The following SLC1A2 variants were observed in gnomAD, a reference collection of about 807,000 sequenced individuals.
The protein encoded by SLC1A2 is excitatory amino acid transporter 2.
Under a neutral mutation model 48.8 loss-of-function variants are expected in SLC1A2, and 15 were observed. The ratio of observed to expected loss-of-function variants is 0.31; its 90% CI spans 0.21 to 0.47. The LOEUF is 0.47. Among genes scored for constraint, SLC1A2 ranks in the 20% least tolerant of loss-of-function variants. The pLI is 0.99. For missense variants in SLC1A2, 502 were observed against 730.5 expected, an observed-to-expected ratio of 0.69 and a Z score of 3.61; for synonymous variants, 279 against 272.6, an observed-to-expected ratio of 1.02 and a Z score of -0.23.
chr11:35,373,296 C>T (rs935171118), intron 1 of SLC1A2, among the ~76,000 whole-genome samples: 6 of 152,192 alleles, frequency 3.9e-5, no homozygotes, highest in Non-Finnish European at 8.8e-5. Flanking sequence ...CATTCAACAC[C>T]TTCTTTCAGA....
chr11:35,334,546 C>G (rs1852547990), intron 1 of SLC1A2, among the ~76,000 whole-genome samples: 1 of 152,194 alleles, frequency 6.6e-6, no homozygotes, highest in Non-Finnish European at 1.5e-5. Context: ...ATCTCACCTT[C>G]CTGAGAGCAG....
chr11:35,317,758 T>G (rs910755245), intron 1 of SLC1A2, among the ~76,000 whole-genome samples: 2 of 152,028 alleles, frequency 1.3e-5, no homozygotes, highest in African/African-American at 2.4e-5. Context: ...TTCCAAAGAG[T>G]TGCCCCCCGT....
chr11:35,320,353 A>G (rs1246103832), intron 1 of SLC1A2, among the ~76,000 whole-genome samples: 2 of 152,194 alleles, frequency 1.3e-5, no homozygotes, highest in Admixed American at 1.3e-4. Flanking sequence ...CAGAGAGGAA[A>G]CATAAAGCAC....
At chr11:35,300,991 C>T (rs1851338086) in intron 6 of SLC1A2, among the ~76,000 whole-genome samples, 1 of 152,086 alleles carries the variant, frequency 6.6e-6, no homozygotes, top group South Asian at 2.1e-4. Flanking sequence ...CACCACTGCA[C>T]TCCAGTCTGG....
intron 1 of SLC1A2, among the ~76,000 whole-genome samples, chr11:35,385,358 T>TA (rs1201279071): frequency 6.6e-6 from 1 of 152,176 alleles, no homozygotes; most frequent in Non-Finnish European, 1.5e-5. Flanking sequence ...GAAAGGGAAA[T>TA]ATTATCTCCC....
intron 9 of SLC1A2, among the ~76,000 whole-genome samples, chr11:35,270,108 A>G (rs1235138023): frequency 6.6e-6 from 1 of 152,258 alleles, no homozygotes; most frequent in Non-Finnish European, 1.5e-5. Context: ...CTCTGTCTCA[A>G]AAATGAATGA....
chr11:35,370,821 G>T, intron 1 of SLC1A2: 1 of 301,632 alleles, frequency 3.3e-6, no homozygotes, highest in Non-Finnish European at 4.9e-6. Context: ...GCAGCAGCCA[G>T]GTAGAATTTC....
chr11:35,376,701 T>C (rs1393138623), intron 1 of SLC1A2, among the ~76,000 whole-genome samples: 2 of 152,226 alleles, frequency 1.3e-5, no homozygotes, highest in Non-Finnish European at 2.9e-5. Flanking sequence ...CTGTTTTCAA[T>C]TGTGAATAAT....
At chr11:35,371,983 C>T (rs1466743284) in intron 1 of SLC1A2, among the ~76,000 whole-genome samples, 5 of 152,208 alleles carry the variant, frequency 3.3e-5, no homozygotes, top group Non-Finnish European at 4.4e-5. Context: ...ACTAATACTC[C>T]TGGACAATGC....
chr11:35,352,591 A>G lies in SLC1A2; in HGVS notation c.18-35075T>C, dbSNP rs140168460. On this transcript the variant is annotated intron_variant, in intron 1 of 10. Coordinates refer to ENST00000278379, the MANE Select transcript of SLC1A2 (RefSeq NM_004171.4). ...CCTCTTGAGAAAGCAGTAAGGCCCC[A>G]GTTCCCTTCTGCAAAGGAGTGGCAC... Among the ~76,000 whole-genome samples the G allele has an allele frequency of 4.6e-5, 7 of 152,306 alleles. No homozygotes were observed. The East Asian group carries it at 1.3e-3, about 29-fold the overall frequency.
At chr11:35,281,479 G>A (rs577947297) in intron 8 of SLC1A2, among the ~76,000 whole-genome samples, 112 of 152,276 alleles carry the variant, frequency 7.4e-4, no homozygotes, top group African/African-American at 2.5e-3. Context: ...TGAGAACTCA[G>A]AATAGCAAAT....
At chr11:35,289,801 G>A (rs1210449081) in intron 7 of SLC1A2, among the ~76,000 whole-genome samples, 2 of 152,084 alleles carry the variant, frequency 1.3e-5, no homozygotes, top group Admixed American at 6.6e-5. Context: ...ACTTCTAGAG[G>A]CAAAAAGCAC....
chr11:35,287,035 C>T, intron 7 of SLC1A2, 84 bp from the exon 8 acceptor site: 1 of 1,060,404 alleles, frequency 9.4e-7, no homozygotes, highest in South Asian at 1.5e-5. Flanking sequence ...GCCACTGCAT[C>T]CTTAGTTTTT....
At chr11:35,300,724 T>C (rs1259161771) in intron 6 of SLC1A2, among the ~76,000 whole-genome samples, 1 of 152,184 alleles carries the variant, frequency 6.6e-6, no homozygotes, top group Non-Finnish European at 1.5e-5. Context: ...GCTTTCTGAA[T>C]CTCTTTTCAT....
chr11:35,386,935 C>T (rs1854601241), intron 1 of SLC1A2, among the ~76,000 whole-genome samples: 1 of 152,070 alleles, frequency 6.6e-6, no homozygotes, highest in Non-Finnish European at 1.5e-5. Context: ...TCTTTTTTCC[C>T]CCTTTTTTAT....
Position 35,256,548 on chromosome 11 carries a change from C to T in SLC1A2, c.*4346G>A, listed in dbSNP as rs12292131. The T allele has an allele frequency of 0.03, 4,507 of 152,592 alleles. 161 individuals carry two copies. The highest frequency in any genetic ancestry group is 0.088 in the African/African-American group (3,635 of 41,492). The allele number at this position is 152,592 out of a possible 1,614,324, so 9.5% of individuals were successfully genotyped here. A position where few individuals can be genotyped will look rare whatever the true frequency, so the allele number is the denominator to read the frequency against. The stretch of plus-strand genomic sequence containing the variant: ...GCTTAACCAGAAATTACTACAGATA[C>T]TGAGACCATTTATCTTCTTTGACAA... On this transcript the variant is annotated 3_prime_UTR_variant, in exon 11 of 11. Transcript: ENST00000278379.
At chr11:35,333,419 G>GAA (rs59682870) in intron 1 of SLC1A2, among the ~76,000 whole-genome samples, 170 of 132,926 alleles carry the variant, frequency 1.3e-3, no homozygotes, top group Middle Eastern at 0.011. Flanking sequence ...TCTGCCTCAG[G>GAA]AAAAAAAAAA....
intron 1 of SLC1A2, among the ~76,000 whole-genome samples, chr11:35,415,183 T>TAAAGCC (rs1391916842): frequency 6.6e-6 from 1 of 152,222 alleles, no homozygotes; most frequent in Non-Finnish European, 1.5e-5. Flanking sequence ...ACACATCCTT[T>TAAAGCC]AAAGCCAAAG....
chr11:35,297,322 G>A (rs374168655), intron 6 of SLC1A2, among the ~76,000 whole-genome samples: 1 of 151,856 alleles, frequency 6.6e-6, no homozygotes, highest in African/African-American at 2.4e-5. Context: ...CCTTACCCCC[G>A]AGCATCCACT....
Sources: allele counts gnomAD v4.1 joint callset (sites outside exome capture counted in the v4.1 genomes callset), GRCh38; gene constraint gnomAD v4.1.1; transcripts MANE v1.5; gene names NCBI Gene and HGNC (gene_info 2026-07-23, HGNC 2026-07-21).